The following SV2C variants were observed in gnomAD, a reference collection of about 807,000 sequenced individuals.
The protein encoded by SV2C is solute carrier family 22 member B3.
A neutral mutation model predicts 79.7 loss-of-function variants in SV2C; 49 were observed. The observed-to-expected ratio is 0.61, with a 90% CI of 0.49 to 0.78. The LOEUF is 0.78. SV2C is among the 30% of genes least tolerant of loss of function. The pLI, the probability that SV2C is intolerant of heterozygous loss-of-function variation, is 0.00. For missense variants in SV2C, 833 were observed against 912.9 expected (o/e 0.91, Z 1.13); for synonymous variants, 334 against 333.2 (o/e 1.00, Z -0.03).
At chr5:76,292,349 A>G (rs1747597308) in intron 8 of SV2C, among the ~76,000 whole-genome samples, 1 of 152,058 alleles carries the variant, frequency 6.6e-6, no homozygotes, top group Non-Finnish European at 1.5e-5. Context: ...CACACTCCCT[A>G]TCCCCTTCTC....
chr5:75,904,760 A>G, the SV2C span, among the ~76,000 whole-genome samples: 6 of 152,362 alleles, frequency 3.9e-5, no homozygotes, highest in African/African-American at 1.4e-4. Flanking sequence ...ACTAATGTCT[A>G]CAATGCGAAA....
chr5:76,285,707 A>G, intron 5 of SV2C, 74 bp from the exon 6 acceptor site: 1 of 1,268,572 alleles, frequency 7.9e-7, no homozygotes, highest in South Asian at 1.3e-5. Flanking sequence ...CTGACAATGC[A>G]AGACGGCTAT....
At chr5:75,922,854 C>G in the SV2C span, among the ~76,000 whole-genome samples, 3 of 152,182 alleles carry the variant, frequency 2.0e-5, no homozygotes, top group South Asian at 6.2e-4. Flanking sequence ...CCACATTGGA[C>G]AGTGACTAGA....
At chr5:75,916,219 C>T in the SV2C span, among the ~76,000 whole-genome samples, 1 of 150,656 alleles carries the variant, frequency 6.6e-6, no homozygotes, top group Non-Finnish European at 1.5e-5. Flanking sequence ...TCCTCCTCTT[C>T]CTCCCCTTCC....
At chr5:76,144,825 G>GTTTTTTTTTT in intron 2 of SV2C, among the ~76,000 whole-genome samples, 1 of 151,562 alleles carries the variant, frequency 6.6e-6, no homozygotes, top group Non-Finnish European at 1.5e-5. Context: ...TTGATAGGAG[G>GTTTTTTTTTT]TTTTTTTTTG....
At chr5:75,925,175 G>A in the SV2C span, among the ~76,000 whole-genome samples, 1 of 152,108 alleles carries the variant, frequency 6.6e-6, no homozygotes, top group African/African-American at 2.4e-5. Context: ...CCTGGAGCTG[G>A]GAAGTTCTAA....
chr5:75,988,525 A>G, the SV2C span, among the ~76,000 whole-genome samples: 1 of 152,002 alleles, frequency 6.6e-6, no homozygotes, highest in Non-Finnish European at 1.5e-5. Context: ...AATAAGCCCA[A>G]ATGAAAGTAA....
At chr5:75,880,454 T>G in the SV2C span, among the ~76,000 whole-genome samples, 10 of 152,304 alleles carry the variant, frequency 6.6e-5, no homozygotes, top group South Asian at 2.1e-3. Flanking sequence ...GCTTAGAAAT[T>G]TCTTCACCAG....
chr5:75,855,699 G>A, the SV2C span, among the ~76,000 whole-genome samples: 2 of 151,900 alleles, frequency 1.3e-5, no homozygotes, highest in Non-Finnish European at 2.9e-5. Context: ...TGTATTTATG[G>A]GGTACATGAG....
intron 4 of SV2C, among the ~76,000 whole-genome samples, chr5:76,263,646 T>C (rs542532130): frequency 6.6e-6 from 1 of 152,324 alleles, no homozygotes; most frequent in East Asian, 1.9e-4. Context: ...GGAGTTCTTG[T>C]AAGGCAGGCT....
the SV2C span, among the ~76,000 whole-genome samples, chr5:75,982,269 GA>G: frequency 3.3e-5 from 5 of 149,544 alleles, no homozygotes; most frequent in African/African-American, 1.2e-4. Flanking sequence ...AGTTTTGCAA[GA>G]AAAAAACCCA....
intron 4 of SV2C, among the ~76,000 whole-genome samples, chr5:76,234,043 T>C (rs1359051950): frequency 1.3e-5 from 2 of 152,188 alleles, no homozygotes; most frequent in East Asian, 3.8e-4. Context: ...TAGGGAGACT[T>C]CTATGTATAT....
the SV2C span, among the ~76,000 whole-genome samples, chr5:76,040,186 G>A: frequency 1.1e-4 from 16 of 152,270 alleles, no homozygotes; most frequent in African/African-American, 3.9e-4. Context: ...GAGACTAGTA[G>A]CATATCAACT....
intron 3 of SV2C, among the ~76,000 whole-genome samples, chr5:76,201,316 T>C (rs1339927375): frequency 2.0e-5 from 3 of 152,184 alleles, no homozygotes; most frequent in African/African-American, 4.8e-5. Flanking sequence ...ATTAAATTAT[T>C]TGTAGCCAGT....
chr5:76,176,390 G>A (rs916670774), intron 2 of SV2C, among the ~76,000 whole-genome samples: 4 of 152,124 alleles, frequency 2.6e-5, no homozygotes, highest in African/African-American at 4.8e-5. Context: ...AGGACACACA[G>A]AATTTATGTC....
At chr5:75,966,451 G>C in the SV2C span, among the ~76,000 whole-genome samples, 1 of 152,060 alleles carries the variant, frequency 6.6e-6, no homozygotes, top group Admixed American at 6.6e-5. Flanking sequence ...GAAGAAACTG[G>C]CCAGAACCAG....
rs145754859 is a variant in SV2C at position 76,277,203 on chromosome 5, AAGCTAAACATG to A, written c.914-7954_914-7944del. On this transcript the variant is annotated intron_variant, in intron 4 of 12. Transcript: ENST00000502798. ...CAAAATGGTTTGGCAGTCTGCTGTA[AAGCTAAACATG>A]AGCTTATTATGTGACTCGACCATTC... 6.6e-3 allele frequency among the ~76,000 whole-genome samples: 1,008 copies of A among 152,338 alleles called. 6 individuals are homozygous for A. Among genetic ancestry groups the A allele is most frequent in the Middle Eastern group, 0.017 (5 of 294 alleles).
chr5:76,257,860 G>A (rs552011918), intron 4 of SV2C, among the ~76,000 whole-genome samples: 272 of 151,348 alleles, frequency 1.8e-3, no homozygotes, highest in African/African-American at 6.4e-3. Flanking sequence ...TGTATGTGGT[G>A]TGTGTGTGCA....
chr5:75,995,856 T>C, the SV2C span, among the ~76,000 whole-genome samples: 1 of 152,048 alleles, frequency 6.6e-6, no homozygotes, highest in African/African-American at 2.4e-5. Flanking sequence ...CCAAGAACCA[T>C]GCATATCAAC....
Sources: gnomAD v4.1 joint callset for allele counts (sites outside exome capture counted in the v4.1 genomes callset) on GRCh38, gnomAD v4.1.1 for gene constraint, MANE v1.5 for transcripts, NCBI Gene and HGNC (gene_info 2026-07-23, HGNC 2026-07-21) for gene names.